Variants in ABI3BP observed in about 807,000 individuals in gnomAD.
ABI3BP encodes the protein ABI family member 3 binding protein.
A neutral mutation model predicts 268.6 loss-of-function variants in ABI3BP; 216 were observed. That is an observed-to-expected ratio of 0.80 (90% CI 0.72 to 0.90). The LOEUF (loss-of-function observed/expected upper bound fraction) is 0.90, where lower values mean the gene tolerates loss of function less well. ABI3BP is among the 40% of genes least tolerant of loss of function. The pLI is 0.00. For synonymous variants in ABI3BP, 730 were observed against 730.0 expected (o/e 1.00, Z 0.00); for missense variants, 2,090 against 2,182.4 (o/e 0.96, Z 0.84).
intron 6 of ABI3BP, among the ~76,000 whole-genome samples, chr3:100,883,616 C>T (rs151108395): frequency 5.5e-4 from 83 of 152,078 alleles, no homozygotes; most frequent in African/African-American, 1.7e-3. Flanking sequence ...AACAATTTAG[C>T]GATGAAAATA....
chr3:100,844,082 A>G (rs1339851158), intron 20 of ABI3BP: 1 of 982,308 alleles, frequency 1.0e-6, no homozygotes, highest in Non-Finnish European at 1.2e-6. Flanking sequence ...CTATTTGACA[A>G]TCATAAGGTA....
At chr3:100,920,094 T>A (rs1488825603) in intron 2 of ABI3BP, among the ~76,000 whole-genome samples, 2 of 152,232 alleles carry the variant, frequency 1.3e-5, no homozygotes, top group African/African-American at 2.4e-5. Context: ...TTGGGTATGA[T>A]AGATGGGCAT....
rs543857746 is a variant in ABI3BP at position 100,837,706 on chromosome 3, G to A, written c.2083+504C>T. Among the ~76,000 whole-genome samples, 10 of 152,216 alleles carry A rather than the reference G, an allele frequency of 6.6e-5. No individual in the cohort carries two copies. The South Asian group carries it at 1.7e-3, about 25-fold the overall frequency. ...TGGGAGGCAGAAGTTTCAGTGAGCC[G>A]GTTGCACCACTGTACTCCAACCTGC... On this transcript the variant is annotated intron_variant, in intron 26 of 67. Transcript: ENST00000471714.
At chr3:100,910,814 G>C (rs1041126872) in intron 2 of ABI3BP, among the ~76,000 whole-genome samples, 7 of 152,164 alleles carry the variant, frequency 4.6e-5, no homozygotes, top group African/African-American at 1.7e-4. Context: ...AGACTTATCT[G>C]TGGATTACTG....
At chr3:100,873,171 GTTAAC>G (rs1019040261) in intron 9 of ABI3BP, among the ~76,000 whole-genome samples, 13 of 152,166 alleles carry the variant, frequency 8.5e-5, no homozygotes, top group African/African-American at 3.1e-4. Context: ...AATGAAAAAA[GTTAAC>G]TTAAACTTTC....
At chr3:100,896,225 G>T (rs1393592774) in intron 4 of ABI3BP, among the ~76,000 whole-genome samples, 2 of 152,176 alleles carry the variant, frequency 1.3e-5, no homozygotes, top group Non-Finnish European at 2.9e-5. Flanking sequence ...CGTGTGCAAG[G>T]GGGTGAGGGT....
intron 57 of ABI3BP, among the ~76,000 whole-genome samples, chr3:100,783,427 C>T (rs2096927856): frequency 1.3e-5 from 2 of 152,186 alleles, no homozygotes. Flanking sequence ...TTCAGAATTA[C>T]ACTTTGCCTA....
intron 1 of ABI3BP, among the ~76,000 whole-genome samples, chr3:100,956,726 T>G (rs1401736628): frequency 1.3e-5 from 2 of 152,000 alleles, no homozygotes; most frequent in East Asian, 1.9e-4. Context: ...GGGCACAATC[T>G]TTGATAGATA....
At chr3:100,983,927 T>C (rs983199958) in intron 1 of ABI3BP, among the ~76,000 whole-genome samples, 8 of 152,158 alleles carry the variant, frequency 5.3e-5, no homozygotes, top group Admixed American at 1.3e-4. Flanking sequence ...TCAAACAATG[T>C]TTTAAAATCC....
At chr3:100,777,843 C>G (rs1373111373) in intron 59 of ABI3BP, among the ~76,000 whole-genome samples, 1 of 152,172 alleles carries the variant, frequency 6.6e-6, no homozygotes, top group East Asian at 1.9e-4. Flanking sequence ...CCCCTGAGCA[C>G]CATAATACCA....
At chr3:100,947,455 G>C (rs1270550922) in intron 1 of ABI3BP, among the ~76,000 whole-genome samples, 1 of 152,148 alleles carries the variant, frequency 6.6e-6, no homozygotes, top group African/African-American at 2.4e-5. Context: ...AAGGAAGGCT[G>C]TCTCACAACT....
In ABI3BP at chr3:100,811,658, C is replaced by A. The variant is rs576342033; in HGVS notation, c.3493+70G>T. The A allele has an allele frequency of 5.4e-4, 777 of 1,433,656 alleles. 1 individual carries two copies. Among genetic ancestry groups the A allele is most frequent in the Middle Eastern group, 8.7e-4 (5 of 5,742 alleles). 88.8% of individuals were successfully genotyped at this position (1,433,656 alleles called of 1,614,324 possible). The stretch of plus-strand genomic sequence containing the variant: ...GTACCACAGCTTGAACTTTCATATT[C>A]CGTGGATGTAACTGATGTTAATTTA... On this transcript the variant is annotated intron_variant, in intron 47 of 67. Transcript: ENST00000471714.
In ABI3BP at chr3:100,862,872, T is replaced by A. The variant is rs747868296; in HGVS notation, c.1176A>T (p.Thr392=). The A allele has an allele frequency of 4.6e-5, 71 of 1,535,588 alleles. No individual in the cohort carries two copies. The highest frequency in any genetic ancestry group is 5.9e-5 in the Admixed American group (3 of 50,968). ...KSLPEFPEAK[T]PFPFEKPRGT... ...CCCTAGGTTTCTCAAAAGGGAAGGG[T>A]GTTTTTGCCTCAGGAAATTCTGGAA... The change falls in exon 13 of 68, where the codon ACA becomes ACT. Residue 392 remains threonine, a synonymous_variant. Transcript: ENST00000471714.
intron 64 of ABI3BP, 54 bp from the exon 65 acceptor site, chr3:100,753,902 C>G: frequency 6.4e-7 from 1 of 1,550,502 alleles, no homozygotes; most frequent in Non-Finnish European, 8.8e-7. Flanking sequence ...CCCCAACATT[C>G]CAGTGGCATG....
At chr3:100,963,605 T>C (rs1389977074) in intron 1 of ABI3BP, among the ~76,000 whole-genome samples, 1 of 152,218 alleles carries the variant, frequency 6.6e-6, no homozygotes, top group African/African-American at 2.4e-5. Context: ...TGTTCCCAGA[T>C]GGCGACTAAT....
At chr3:100,758,892 G>A (rs939213860) in intron 63 of ABI3BP, among the ~76,000 whole-genome samples, 1 of 152,210 alleles carries the variant, frequency 6.6e-6, no homozygotes, top group Non-Finnish European at 1.5e-5. Context: ...GCCTGAGACT[G>A]ATTTCTTCTT....
chr3:100,959,262 G>A (rs201750448), intron 1 of ABI3BP, among the ~76,000 whole-genome samples: 17 of 151,808 alleles, frequency 1.1e-4, no homozygotes, highest in Admixed American at 2.6e-4. Flanking sequence ...AGGCCGAGGC[G>A]GGCGGATCAC....
chr3:100,785,145 T>A (rs1376129962), intron 57 of ABI3BP, among the ~76,000 whole-genome samples: 2 of 152,144 alleles, frequency 1.3e-5, no homozygotes, highest in Non-Finnish European at 2.9e-5. Flanking sequence ...ATGTGAAATA[T>A]CTGAGTTGAA....
At chr3:100,764,337 C>A (rs533890718) in intron 63 of ABI3BP, among the ~76,000 whole-genome samples, 60 of 152,234 alleles carry the variant, frequency 3.9e-4, no homozygotes, top group Non-Finnish European at 6.9e-4. Flanking sequence ...AATCCTTGGT[C>A]ATTAACTGCC....
Sources: allele counts gnomAD v4.1 joint callset (sites outside exome capture counted in the v4.1 genomes callset), GRCh38; gene constraint gnomAD v4.1.1; transcripts MANE v1.5; gene names NCBI Gene and HGNC (gene_info 2026-07-23, HGNC 2026-07-21).